PPP4R3A: variants seen among roughly 807,000 people sequenced by gnomAD.
PPP4R3A encodes the protein protein phosphatase 4 regulatory subunit 3A, also known as serine/threonine-protein phosphatase 4 regulatory subunit 3A.
Under a neutral mutation model 91.7 loss-of-function variants are expected in PPP4R3A, and 15 were observed. The ratio of observed to expected loss-of-function variants is 0.16; its 90% CI spans 0.11 to 0.25. The LOEUF (loss-of-function observed/expected upper bound fraction) is 0.25, where lower values mean the gene tolerates loss of function less well. PPP4R3A is among the 10% of genes least tolerant of loss of function. The pLI is 1.00. For missense variants in PPP4R3A, 623 were observed against 998.4 expected, an observed-to-expected ratio of 0.62 and a Z score of 5.07; for synonymous variants, 377 against 348.7, an observed-to-expected ratio of 1.08 and a Z score of -0.91.
At chr14:91,493,157 G>A (rs183773918) in intron 1 of PPP4R3A, among the ~76,000 whole-genome samples, 2 of 152,176 alleles carry the variant, frequency 1.3e-5, no homozygotes, top group South Asian at 2.1e-4. Context: ...GGAAGGCTGA[G>A]GTGGGCAGAT....
intron 1 of PPP4R3A, among the ~76,000 whole-genome samples, chr14:91,494,183 T>C (rs1018944773): frequency 6.6e-6 from 1 of 152,200 alleles, no homozygotes; most frequent in Non-Finnish European, 1.5e-5. Context: ...AGTGAAAGAA[T>C]TGCATTACTT....
chr14:91,489,630 T>C (rs909432055), intron 2 of PPP4R3A, among the ~76,000 whole-genome samples: 1 of 152,356 alleles, frequency 6.6e-6, no homozygotes, highest in Admixed American at 6.5e-5. Context: ...ATCTTTCCTT[T>C]TTCTTAAGAT....
Position 91,482,131 on chromosome 14 carries a change from C to T in PPP4R3A, c.360G>A (p.Glu120=), listed in dbSNP as rs1365404871. ...TQDLVDESEE[E]RFDDMSSPGL... is the part of the protein sequence containing the mutation. ...CTGGCGATGACATATCATCAAAACG[C>T]TCCTCTTCAGATTCATCCACAAGGT... Residue 120 remains glutamate (E), a synonymous_variant, in exon 4 of 15, where the codon GAG becomes GAA. Coordinates refer to ENST00000554943, the MANE Select transcript of PPP4R3A (RefSeq NM_001366432.2). The T allele has an allele frequency of 6.2e-7, 1 of 1,614,000 alleles. No individual in the cohort carries two copies. The highest frequency in any genetic ancestry group is 8.5e-7 in the Non-Finnish European group (1 of 1,180,042).
At position 91,470,921 on chromosome 14, in the gene PPP4R3A, G is replaced by A; in HGVS notation, c.1576C>T (p.His526Tyr). ...TTATTAATAATGTAGTTCTTTATGTGGTAGGTATGGTGCTCCACACAAAAT... is the reference window on the plus strand; with the variant it reads ...TTATTAATAATGTAGTTCTTTATGTAGTAGGTATGGTGCTCCACACAAAAT... ...LTFCVEHHTY[H>Y]IKNYIINKDI... Residue 526 changes from histidine (H) to tyrosine (Y), a missense_variant, in exon 10 of 15, where the codon CAC becomes TAC. His to Tyr is a moderately conservative substitution (Grantham distance 83). Coordinates refer to ENST00000554943, the MANE Select transcript of PPP4R3A (RefSeq NM_001366432.2). 6.2e-7 allele frequency: 1 copy of A among 1,612,052 alleles called. No individual in the cohort carries two copies. Among genetic ancestry groups the A allele is most frequent in the Non-Finnish European group, 8.5e-7 (1 of 1,179,672 alleles).
chr14:91,506,743 T>C (rs1464314904), intron 1 of PPP4R3A, among the ~76,000 whole-genome samples: 1 of 151,922 alleles, frequency 6.6e-6, no homozygotes, highest in Non-Finnish European at 1.5e-5. Flanking sequence ...AGAGATGGGG[T>C]TTCGCCATGT....
rs185181434 is a variant in PPP4R3A at position 91,491,517 on chromosome 14, C to T, written c.143-715G>A. On this transcript the variant is annotated intron_variant, in intron 1 of 14. Coordinates refer to ENST00000554943, the MANE Select transcript of PPP4R3A (RefSeq NM_001366432.2). ...CCGCCTCCCAAGTTCAAGCGATTCTCCTGCCTCAGCCTCCTGAGAAGCTGG... is the reference window on the plus strand; with the variant it reads ...CCGCCTCCCAAGTTCAAGCGATTCTTCTGCCTCAGCCTCCTGAGAAGCTGG... Among the ~76,000 whole-genome samples the T allele has an allele frequency of 6.6e-5, 10 of 152,286 alleles. 1 individual carries two copies. The East Asian group carries it at 1.9e-3, about 29-fold the overall frequency.
Position 91,473,148 on chromosome 14 carries a change from G to C in PPP4R3A, c.1399-13C>G, listed in dbSNP as rs765184667. 1.7e-5 allele frequency: 27 copies of C among 1,613,616 alleles called. No individual in the cohort carries two copies. Among genetic ancestry groups the C allele is most frequent in the Non-Finnish European group, 2.3e-5 (27 of 1,179,858 alleles). ...TCTTTTCTGTTTTCTAAGGAAACAA[G>C]AACAATTCCATGAACTTTAACCACA... On this transcript the variant is annotated splice_polypyrimidine_tract_variant and intron_variant, in intron 8 of 14. Transcript: ENST00000554943.
rs535315247 is a variant in PPP4R3A at position 91,458,725 on chromosome 14, T to C, written c.*34A>G. The stretch of plus-strand genomic sequence containing the variant: ...GGGGAGGGGTGGAGAACCAGTTTTT[T>C]TCAACAGGTACTGATCCTAGGCCGT... On this transcript the variant is annotated 3_prime_UTR_variant, in exon 15 of 15. Transcript: ENST00000554943. 3 of 1,614,028 alleles carry C rather than the reference T, an allele frequency of 1.9e-6. No individual in the cohort carries two copies. Among genetic ancestry groups the C allele is most frequent in the Non-Finnish European group, 2.5e-6 (3 of 1,179,932 alleles).
chr14:91,482,612 C>T (rs1002958357), intron 3 of PPP4R3A, among the ~76,000 whole-genome samples: 1 of 152,138 alleles, frequency 6.6e-6, no homozygotes, highest in Non-Finnish European at 1.5e-5. Flanking sequence ...AAGGACACTG[C>T]CACCACCAAA....
At chr14:91,484,984 T>C (rs1236657736) in intron 3 of PPP4R3A, among the ~76,000 whole-genome samples, 1 of 151,948 alleles carries the variant, frequency 6.6e-6, no homozygotes, top group Non-Finnish European at 1.5e-5. Context: ...TAAGGCTGAA[T>C]AGTCAGTCAA....
At chr14:91,507,634 T>A (rs1306611378) in intron 1 of PPP4R3A, among the ~76,000 whole-genome samples, 2 of 39,322 alleles carry the variant, frequency 5.1e-5, no homozygotes, top group Non-Finnish European at 9.8e-5. Context: ...TTATATATAC[T>A]ATAATAATAT....
intron 1 of PPP4R3A, 81 bp from the exon 2 acceptor site, chr14:91,490,883 T>TAAAA (rs35564814): frequency 3.9e-6 from 2 of 511,682 alleles, no homozygotes; most frequent in East Asian, 4.6e-5. Context: ...CATATTTCCT[T>TAAAA]AAAAAAAATA....
At chr14:91,458,952 A>G (rs1280646252) in intron 14 of PPP4R3A, 83 bp from the exon 15 acceptor site, 3 of 1,438,032 alleles carry the variant, frequency 2.1e-6, no homozygotes, top group Non-Finnish European at 2.8e-6. Context: ...GAAAGAAAAT[A>G]GATCCTACCA....
At chr14:91,477,874 C>T (rs1345175818) in intron 4 of PPP4R3A, among the ~76,000 whole-genome samples, 3 of 152,326 alleles carry the variant, frequency 2.0e-5, no homozygotes, top group Non-Finnish European at 2.9e-5. Context: ...GTCTTGAACT[C>T]GTGGCCTCAA....
chr14:91,474,257 A>G (rs1486720812), intron 7 of PPP4R3A, among the ~76,000 whole-genome samples: 2 of 152,238 alleles, frequency 1.3e-5, no homozygotes, highest in South Asian at 2.1e-4. Context: ...CACATTCTAA[A>G]TATCAAAGAA....
chr14:91,507,389 G>GTATATATAATTATATATACTATATAA (rs1891389807), intron 1 of PPP4R3A, among the ~76,000 whole-genome samples: 1 of 95,426 alleles, frequency 1.0e-5, no homozygotes, highest in African/African-American at 4.1e-5. Context: ...ATACTATATA[G>GTATATATAATTATATATACTATATAA]TATATGTACT....
intron 10 of PPP4R3A, among the ~76,000 whole-genome samples, chr14:91,466,854 C>G (rs1392812219): frequency 1.3e-5 from 2 of 151,940 alleles, no homozygotes; most frequent in Non-Finnish European, 2.9e-5. Flanking sequence ...ACATTTTAAA[C>G]TTGTAATAAT....
Position 91,485,725 on chromosome 14 carries a change from A to T in PPP4R3A, c.204T>A (p.Thr68=), listed in dbSNP as rs371032232. Residue 68 remains threonine, a synonymous_variant, in exon 3 of 15, where the codon ACT becomes ACA. Coordinates refer to ENST00000554943, the MANE Select transcript of PPP4R3A (RefSeq NM_001366432.2). ...PNTAYQKQQD[T]LIVWSEAENY... is the part of the protein sequence containing the mutation. Reference sequence around the variant, plus strand: ...TTTCTGCTTCAGACCACACAATCAGAGTGTCCTTTGGAGACATAAAAGGAG... The same window carrying T: ...TTTCTGCTTCAGACCACACAATCAGTGTGTCCTTTGGAGACATAAAAGGAG... The T allele has an allele frequency of 3.1e-6, 5 of 1,604,414 alleles. No homozygotes were observed. The highest frequency in any genetic ancestry group is 4.2e-6 in the Non-Finnish European group (5 of 1,179,030).
At chr14:91,461,343 TG>T (rs775891867) in intron 14 of PPP4R3A, 37 bp downstream of exon 14, 9 of 1,570,466 alleles carry the variant, frequency 5.7e-6, no homozygotes, top group Non-Finnish European at 7.9e-6. Flanking sequence ...AAGCTTCAAT[TG>T]GGAAAAAAGG....
Sources: allele counts gnomAD v4.1 joint callset (sites outside exome capture counted in the v4.1 genomes callset), GRCh38; gene constraint gnomAD v4.1.1; transcripts MANE v1.5; gene names NCBI Gene and HGNC (gene_info 2026-07-23, HGNC 2026-07-21).